RBM19: variants seen among roughly 807,000 people sequenced by gnomAD.
RBM19 encodes RNA binding motif protein 19.
In RBM19, 94 loss-of-function variants were observed where a neutral mutation model predicts 116.8. The ratio of observed to expected loss-of-function variants is 0.80; its 90% CI spans 0.68 to 0.95. The LOEUF (loss-of-function observed/expected upper bound fraction) is 0.95, where lower values mean the gene tolerates loss of function less well. Among genes scored for constraint, RBM19 ranks in the 40% least tolerant of loss-of-function variants. The pLI is 0.00. For synonymous variants in RBM19, 475 were observed against 494.1 expected, an observed-to-expected ratio of 0.96 and a Z score of 0.51; for missense variants, 1,161 against 1,220.7, an observed-to-expected ratio of 0.95 and a Z score of 0.73.
intron 21 of RBM19, among the ~76,000 whole-genome samples, chr12:113,895,779 C>T (rs1171642486): frequency 2.0e-5 from 3 of 151,110 alleles, no homozygotes; most frequent in African/African-American, 7.3e-5. Flanking sequence ...TGTGCAACTA[C>T]ATTTTTTAAA....
intron 20 of RBM19, among the ~76,000 whole-genome samples, chr12:113,917,240 C>G (rs1433028513): frequency 6.6e-6 from 1 of 152,216 alleles, no homozygotes. Context: ...CAGGCTGGCT[C>G]TCTGGAGATA....
chr12:113,831,580 C>A (rs536473665), intron 23 of RBM19, among the ~76,000 whole-genome samples: 12 of 152,178 alleles, frequency 7.9e-5, no homozygotes, highest in Non-Finnish European at 1.2e-4. Context: ...AGGAAGAGCA[C>A]GAGAAATGGC....
At chr12:113,918,099 C>T (rs911505015) in intron 20 of RBM19, among the ~76,000 whole-genome samples, 16 of 151,618 alleles carry the variant, frequency 1.1e-4, no homozygotes, top group Non-Finnish European at 1.0e-4. Context: ...TGTTGTTTGC[C>T]TGTTTCTCCT....
At chr12:113,879,554 C>T (rs1441829991) in intron 21 of RBM19, among the ~76,000 whole-genome samples, 1 of 151,832 alleles carries the variant, frequency 6.6e-6, no homozygotes, top group Non-Finnish European at 1.5e-5. Context: ...CTCCTAGGCC[C>T]CATGGCTGGA....
chr12:113,879,973 C>G (rs945510204), intron 21 of RBM19, among the ~76,000 whole-genome samples: 3 of 151,818 alleles, frequency 2.0e-5, no homozygotes, highest in African/African-American at 7.3e-5. Flanking sequence ...AGCAGCTCTG[C>G]CCTACAAAAT....
chr12:113,859,532 C>T (rs1006486417), intron 21 of RBM19, among the ~76,000 whole-genome samples: 6 of 152,190 alleles, frequency 3.9e-5, no homozygotes, highest in African/African-American at 1.4e-4. Flanking sequence ...TCAGGCAAAG[C>T]TCTGGAGAAG....
At position 113,904,738 on chromosome 12, in the gene RBM19, T is replaced by G. The variant is rs188246833; in HGVS notation, c.2558+10231A>C. On this transcript the variant is annotated intron_variant, in intron 21 of 23. Transcript: ENST00000261741. The stretch of plus-strand genomic sequence containing the variant: ...AGGCACACAACCTTGGCATCACGAC[T>G]GTGGCCAGTGGTTATTTGTGCTGTA... 2.4e-4 allele frequency among the ~76,000 whole-genome samples: 36 copies of G among 152,296 alleles called. No homozygotes were observed. In the East Asian group the frequency reaches 6.8e-3, roughly 29 times the overall value.
chr12:113,830,402 C>A (rs1875275976), intron 23 of RBM19, among the ~76,000 whole-genome samples: 1 of 151,958 alleles, frequency 6.6e-6, no homozygotes, highest in Non-Finnish European at 1.5e-5. Flanking sequence ...GACCTGGGCT[C>A]CCTGAGTGGC....
chr12:113,937,095 G>A lies in RBM19; in HGVS notation c.1980C>T (p.Gly660=), dbSNP rs781281491. The change falls in exon 16 of 24, where the codon GGC becomes GGT. Residue 660 remains glycine, a synonymous_variant. Transcript: ENST00000261741. ...TCTGTGGGGCTGTGCTGGAGAAGAC[G>A]CCAACTGGAGCCCACTCCAGATAGA... ...VPLYLEWAPV[G]VFSSTAPQKK... The A allele has an allele frequency of 1.9e-5, 31 of 1,613,892 alleles. No individual in the cohort carries two copies. The Admixed American group carries it at 3.3e-4, about 17-fold the overall frequency.
chr12:113,935,485 A>G (rs1869974144), intron 16 of RBM19, among the ~76,000 whole-genome samples: 1 of 152,160 alleles, frequency 6.6e-6, no homozygotes, highest in African/African-American at 2.4e-5. Flanking sequence ...AGAGAGCTTA[A>G]CTCATAAACG....
chr12:113,964,990 G>A (rs1233128101), intron 1 of RBM19, among the ~76,000 whole-genome samples: 2 of 152,004 alleles, frequency 1.3e-5, no homozygotes, highest in African/African-American at 4.8e-5. Context: ...CAGAAATGGG[G>A]GCCAGGTGCA....
chr12:113,899,199 G>A (rs971786233), intron 21 of RBM19, among the ~76,000 whole-genome samples: 2 of 152,198 alleles, frequency 1.3e-5, no homozygotes, highest in Non-Finnish European at 2.9e-5. Flanking sequence ...TTTCCTCAGG[G>A]AGGATCAGAA....
Position 113,952,579 on chromosome 12 carries a change from C to T in RBM19, c.933G>A (p.Met311Ile), listed in dbSNP as rs1317250205. The T allele has an allele frequency of 6.2e-7, 1 of 1,613,890 alleles. No individual in the cohort carries two copies. The highest frequency in any genetic ancestry group is 8.5e-7 in the Non-Finnish European group (1 of 1,179,796). Residue 311 changes from methionine to isoleucine, a missense_variant, in exon 8 of 24, where the codon ATG (methionine) becomes ATA (isoleucine). Physicochemically the swap from Met to Ile is conservative, Grantham distance 10. Transcript: ENST00000261741. ...APFNVTEKNV[M>I]EFLAPLKPVA... Reference sequence around the variant, plus strand: ...CTGGTTTCAGGGGTGCCAGGAATTCCATAACATTTTTCTGTGAGAAGAAGT... The same window carrying T: ...CTGGTTTCAGGGGTGCCAGGAATTCTATAACATTTTTCTGTGAGAAGAAGT...
intron 5 of RBM19, 95 bp from the exon 6 acceptor site, chr12:113,958,145 G>C: frequency 6.6e-7 from 1 of 1,514,416 alleles, no homozygotes; most frequent in South Asian, 1.3e-5. Context: ...TGAGAGGCCT[G>C]AGGCACCATG....
intron 23 of RBM19, among the ~76,000 whole-genome samples, chr12:113,831,392 ACT>A (rs1413825862): frequency 3.9e-5 from 6 of 152,092 alleles, no homozygotes; most frequent in Non-Finnish European, 5.9e-5. Context: ...CAGAAATAAA[ACT>A]GGCCACCCCC....
chr12:113,837,397 T>C (rs542688571), intron 23 of RBM19, among the ~76,000 whole-genome samples: 3 of 152,336 alleles, frequency 2.0e-5, no homozygotes, highest in African/African-American at 4.8e-5. Context: ...GGGAGTATTT[T>C]TGGCAACTCA....
At chr12:113,890,575 T>C (rs11066805) in intron 21 of RBM19, among the ~76,000 whole-genome samples, 35,688 of 152,064 alleles carry the variant, frequency 0.23, 4,999 homozygotes, top group East Asian at 0.47. Flanking sequence ...GGCTTCCGAG[T>C]GTATCGGGGA....
intron 15 of RBM19, among the ~76,000 whole-genome samples, chr12:113,937,879 G>C (rs1870216336): frequency 6.6e-6 from 1 of 152,002 alleles, no homozygotes. Context: ...AGTGAGACTT[G>C]TCAACAAATG....
Position 113,845,066 on chromosome 12 carries a change from G to A in RBM19, c.2665-278C>T, listed in dbSNP as rs11066783. Among the ~76,000 whole-genome samples, 472 of 152,316 alleles carry A rather than the reference G, an allele frequency of 3.1e-3. 3 individuals are homozygous for A. Among genetic ancestry groups the A allele is most frequent in the Middle Eastern group, 0.01 (3 of 294 alleles). On this transcript the variant is annotated intron_variant, in intron 22 of 23. Coordinates refer to ENST00000261741, the MANE Select transcript of RBM19 (RefSeq NM_016196.4). ...GGGCTGAGGCAGCCGTCTATTTGCCGTGTGTCATCCGATCTGTGGAGGGCG... is the reference window on the plus strand; with the variant it reads ...GGGCTGAGGCAGCCGTCTATTTGCCATGTGTCATCCGATCTGTGGAGGGCG...
Sources: allele counts gnomAD v4.1 joint callset (sites outside exome capture counted in the v4.1 genomes callset), GRCh38; gene constraint gnomAD v4.1.1; transcripts MANE v1.5; gene names NCBI Gene and HGNC (gene_info 2026-07-23, HGNC 2026-07-21).